Variants in RBFOX1 observed in about 807,000 individuals in gnomAD.
RBFOX1 encodes RNA binding protein fox-1 homolog 1.
RBFOX1 carries 8 observed loss-of-function variants against 57.7 expected under a neutral mutation model. The observed-to-expected ratio is 0.14, with a 90% CI of 0.08 to 0.25. RBFOX1 has a LOEUF of 0.25. Among genes scored for constraint, RBFOX1 ranks in the 10% least tolerant of loss-of-function variants. The pLI is 1.00. For missense variants in RBFOX1, 611 were observed against 548.5 expected (o/e 1.11, Z -1.14); for synonymous variants, 326 against 222.4 (o/e 1.47, Z -4.15).
chr16:6,260,246 G>A (rs891193931), intron 1 of RBFOX1, among the ~76,000 whole-genome samples: 37 of 152,118 alleles, frequency 2.4e-4, no homozygotes, highest in African/African-American at 8.2e-4. Flanking sequence ...AATTAAACAC[G>A]CTTTTCTTTG....
At chr16:7,011,192 G>C (rs2093637267) in intron 3 of RBFOX1, among the ~76,000 whole-genome samples, 1 of 151,996 alleles carries the variant, frequency 6.6e-6, no homozygotes, top group Admixed American at 6.6e-5. Flanking sequence ...TCAATAATTA[G>C]CAGTCATTCG....
chr16:6,363,721 G>A (rs751895602), intron 2 of RBFOX1, among the ~76,000 whole-genome samples: 6 of 152,156 alleles, frequency 3.9e-5, no homozygotes, highest in African/African-American at 1.2e-4. Context: ...CAGGAGAAAC[G>A]AATTTCACGT....
At chr16:5,754,468 G>C (rs547295509) in intron 3 of RBFOX1, among the ~76,000 whole-genome samples, 2 of 150,014 alleles carry the variant, frequency 1.3e-5, no homozygotes, top group Admixed American at 1.3e-4. Flanking sequence ...AAAAGACACA[G>C]AGACAAAGTA....
intron 4 of RBFOX1, among the ~76,000 whole-genome samples, chr16:7,341,679 A>G (rs1295281995): frequency 6.6e-6 from 1 of 151,262 alleles, no homozygotes; most frequent in Admixed American, 6.6e-5. Context: ...TACATTTCAG[A>G]GAACAATGGT....
chr16:7,710,547 C>A, intron 15 of RBFOX1, 76 bp from the exon 16 acceptor site: 2 of 1,589,796 alleles, frequency 1.3e-6, no homozygotes, highest in East Asian at 4.6e-5. Context: ...CTATTTTTCA[C>A]ATTAGTCTTT....
intron 4 of RBFOX1, among the ~76,000 whole-genome samples, chr16:7,488,617 C>T (rs916557480): frequency 6.6e-6 from 1 of 152,136 alleles, no homozygotes; most frequent in African/African-American, 2.4e-5. Flanking sequence ...CGTTACACAC[C>T]TATCTACTAT....
intron 2 of RBFOX1, among the ~76,000 whole-genome samples, chr16:6,500,390 G>C (rs193213082): frequency 1.3e-5 from 2 of 152,194 alleles, no homozygotes; most frequent in Non-Finnish European, 2.9e-5. Flanking sequence ...TCTCACTAGA[G>C]GATATTCACT....
At chr16:7,557,807 C>G (rs1441830383) in intron 5 of RBFOX1, among the ~76,000 whole-genome samples, 2 of 151,854 alleles carry the variant, frequency 1.3e-5, no homozygotes, top group East Asian at 3.9e-4. Context: ...CGGGAGAGGG[C>G]TCCAGAGACT....
intron 3 of RBFOX1, among the ~76,000 whole-genome samples, chr16:6,805,377 G>A (rs2086504755): frequency 6.6e-6 from 1 of 152,116 alleles, no homozygotes; most frequent in Admixed American, 6.5e-5. Flanking sequence ...AGCAGACTTT[G>A]GGGTCTCCTG....
At chr16:6,062,045 G>C (rs867195826) in intron 1 of RBFOX1, among the ~76,000 whole-genome samples, 2 of 152,070 alleles carry the variant, frequency 1.3e-5, no homozygotes, top group Admixed American at 6.6e-5. Context: ...AAACACTGAC[G>C]TGCGTTTACT....
intron 2 of RBFOX1, among the ~76,000 whole-genome samples, chr16:6,345,654 C>T (rs945658074): frequency 6.6e-6 from 1 of 152,166 alleles, no homozygotes; most frequent in Non-Finnish European, 1.5e-5. Flanking sequence ...GTGTTGGGAG[C>T]AAACTCGAGT....
At chr16:7,154,726 T>C (rs1393707731) in intron 4 of RBFOX1, among the ~76,000 whole-genome samples, 2 of 138,214 alleles carry the variant, frequency 1.4e-5, no homozygotes, top group African/African-American at 2.6e-5. Context: ...TGTGTGTGTG[T>C]GTGTGTGAAT....
intron 1 of RBFOX1, among the ~76,000 whole-genome samples, chr16:5,342,357 G>T (rs9926353): frequency 3.3e-5 from 5 of 152,054 alleles, no homozygotes; most frequent in African/African-American, 1.2e-4. Context: ...AAAGCCTTGG[G>T]GGACTACAGA....
At chr16:7,124,543 C>CTCCCTCCCTCCT (rs2067986208) in intron 4 of RBFOX1, among the ~76,000 whole-genome samples, 1 of 14,674 alleles carries the variant, frequency 6.8e-5, no homozygotes, top group Non-Finnish European at 2.2e-4. Context: ...CCTTCCCTCT[C>CTCCCTCCCTCCT]TCCCTCCCTC....
intron 4 of RBFOX1, among the ~76,000 whole-genome samples, chr16:7,424,192 A>T (rs561694713): frequency 6.6e-6 from 1 of 151,964 alleles, no homozygotes; most frequent in Non-Finnish European, 1.5e-5. Flanking sequence ...CATTTTTTTT[A>T]AAAGAAGTGC....
intron 3 of RBFOX1, among the ~76,000 whole-genome samples, chr16:5,862,136 A>T (rs2057233976): frequency 6.6e-6 from 1 of 152,290 alleles, no homozygotes; most frequent in African/African-American, 2.4e-5. Flanking sequence ...TCTAAGCCAG[A>T]GACAGTCTGG....
At chr16:7,110,232 C>G (rs917151906) in intron 4 of RBFOX1, among the ~76,000 whole-genome samples, 2 of 151,420 alleles carry the variant, frequency 1.3e-5, no homozygotes, top group African/African-American at 4.9e-5. Flanking sequence ...TGGCACCACC[C>G]TCGTGTAGTC....
intron 3 of RBFOX1, among the ~76,000 whole-genome samples, chr16:6,995,547 C>CTTAG (rs2092126913): frequency 6.6e-6 from 1 of 151,978 alleles, no homozygotes; most frequent in African/African-American, 2.4e-5. Flanking sequence ...GGTGGATCAC[C>CTTAG]TTAGGTCAGG....
intron 2 of RBFOX1, among the ~76,000 whole-genome samples, chr16:6,460,350 C>A (rs953420614): frequency 6.6e-6 from 1 of 151,758 alleles, no homozygotes; most frequent in African/African-American, 2.4e-5. Flanking sequence ...GCAATCTATC[C>A]GTCTGACAAA....
Sources: gnomAD v4.1 joint callset for allele counts (sites outside exome capture counted in the v4.1 genomes callset) on GRCh38, gnomAD v4.1.1 for gene constraint, MANE v1.5 for transcripts, NCBI Gene and HGNC (gene_info 2026-07-23, HGNC 2026-07-21) for gene names.